BMPR1B: variants seen among roughly 807,000 people sequenced by gnomAD.
The protein encoded by BMPR1B is bone morphogenetic protein receptor type-1B.
Under a neutral mutation model 59.1 loss-of-function variants are expected in BMPR1B, and 12 were observed. That is an observed-to-expected ratio of 0.20 (90% confidence interval 0.13 to 0.33). The LOEUF (loss-of-function observed/expected upper bound fraction) is 0.33, where lower values mean the gene tolerates loss of function less well. Among genes scored for constraint, BMPR1B ranks in the 10% least tolerant of loss-of-function variants. The pLI is 1.00. For missense variants in BMPR1B, 550 were observed against 610.9 expected (o/e 0.90, Z 1.05); for synonymous variants, 237 against 207.3 (o/e 1.14, Z -1.23).
chr4:94,976,498 A>C (rs1256532371), intron 2 of BMPR1B, among the ~76,000 whole-genome samples: 1 of 152,174 alleles, frequency 6.6e-6, no homozygotes, highest in Admixed American at 6.5e-5. Context: ...GCTCTCCTAC[A>C]TGCAAAATAC....
At chr4:94,777,088 A>G (rs922063588) in intron 1 of BMPR1B, among the ~76,000 whole-genome samples, 1 of 152,168 alleles carries the variant, frequency 6.6e-6, no homozygotes, top group Non-Finnish European at 1.5e-5. Context: ...TTATCATAAC[A>G]GTACAGTGAA....
chr4:95,038,364 C>T (rs1046527016), intron 3 of BMPR1B, among the ~76,000 whole-genome samples: 3 of 152,170 alleles, frequency 2.0e-5, no homozygotes, highest in African/African-American at 7.2e-5. Context: ...TGGCAACTCT[C>T]TTATATTTTC....
intron 1 of BMPR1B, among the ~76,000 whole-genome samples, chr4:94,767,195 C>T (rs779157938): frequency 6.6e-6 from 1 of 152,098 alleles, no homozygotes. Context: ...AAAAATTATC[C>T]AGGGAAACCT....
intron 2 of BMPR1B, among the ~76,000 whole-genome samples, chr4:94,969,325 A>G (rs1035233703): frequency 2.0e-5 from 3 of 152,044 alleles, no homozygotes; most frequent in Admixed American, 1.3e-4. Flanking sequence ...GTGAGCCACC[A>G]TGCCCGTCCA....
chr4:95,108,514 A>C (rs560305712), intron 4 of BMPR1B, among the ~76,000 whole-genome samples: 1 of 152,190 alleles, frequency 6.6e-6, no homozygotes, highest in East Asian at 1.9e-4. Flanking sequence ...GAAATCTCAC[A>C]TGCTAATTTA....
Position 94,915,617 on chromosome 4 carries a change from T to C in BMPR1B, c.-113+39717T>C, listed in dbSNP as rs1265045375. The stretch of plus-strand genomic sequence containing the variant: ...ATCGACACAATTAACATAATGAAGA[T>C]ATTACTATAAAGGAATGATATACAT... On this transcript the variant is annotated intron_variant, in intron 2 of 12. Transcript: ENST00000515059. Among the ~76,000 whole-genome samples, 3 of 152,208 alleles carry C rather than the reference T, an allele frequency of 2.0e-5. No homozygotes were observed. The East Asian group carries it at 5.8e-4, about 29-fold the overall frequency.
intron 3 of BMPR1B, among the ~76,000 whole-genome samples, chr4:95,078,219 A>C (rs1419011483): frequency 1.3e-5 from 2 of 152,234 alleles, no homozygotes; most frequent in Non-Finnish European, 2.9e-5. Context: ...AGGTATTACC[A>C]GTGATAAATA....
intron 1 of BMPR1B, among the ~76,000 whole-genome samples, chr4:94,828,428 A>AT (rs1019486987): frequency 5.9e-5 from 9 of 152,240 alleles, no homozygotes; most frequent in Admixed American, 3.3e-4. Context: ...TCCAATGTAG[A>AT]TTTTTCCACA....
chr4:94,842,549 A>G (rs1232730463), intron 1 of BMPR1B, among the ~76,000 whole-genome samples: 1 of 152,134 alleles, frequency 6.6e-6, no homozygotes, highest in East Asian at 1.9e-4. Context: ...TAGTAAAAAC[A>G]TCTGAGGATA....
At chr4:95,121,841 A>G (rs1732554120) in intron 6 of BMPR1B, among the ~76,000 whole-genome samples, 1 of 152,204 alleles carries the variant, frequency 6.6e-6, no homozygotes, top group Non-Finnish European at 1.5e-5. Context: ...TAAAATATAT[A>G]TCTTATGAAC....
intron 1 of BMPR1B, among the ~76,000 whole-genome samples, chr4:94,789,656 C>T (rs1379672995): frequency 2.6e-5 from 4 of 152,066 alleles, no homozygotes; most frequent in Non-Finnish European, 5.9e-5. Flanking sequence ...AAGAAATGCC[C>T]ATTAAACTGA....
At chr4:95,060,539 C>T (rs1288485927) in intron 3 of BMPR1B, among the ~76,000 whole-genome samples, 1 of 152,172 alleles carries the variant, frequency 6.6e-6, no homozygotes, top group East Asian at 1.9e-4. Context: ...TGAAAGATTT[C>T]TGCAAGAGTG....
chr4:94,995,301 A>G (rs1311293068), intron 2 of BMPR1B, among the ~76,000 whole-genome samples: 1 of 152,162 alleles, frequency 6.6e-6, no homozygotes, highest in Non-Finnish European at 1.5e-5. Flanking sequence ...ATATTTTAGC[A>G]TCTTTCACTA....
At chr4:94,913,155 A>G (rs1375963216) in intron 2 of BMPR1B, among the ~76,000 whole-genome samples, 1 of 152,176 alleles carries the variant, frequency 6.6e-6, no homozygotes, top group Non-Finnish European at 1.5e-5. Context: ...TGAAGAGTCT[A>G]TTATGAAATA....
At chr4:94,990,430 G>T (rs1721661515) in intron 2 of BMPR1B, among the ~76,000 whole-genome samples, 1 of 152,130 alleles carries the variant, frequency 6.6e-6, no homozygotes, top group South Asian at 2.1e-4. Context: ...TGGCCCAAAA[G>T]TGGAAACCAA....
At chr4:95,101,665 T>C (rs1730828951) in intron 3 of BMPR1B, among the ~76,000 whole-genome samples, 1 of 152,200 alleles carries the variant, frequency 6.6e-6, no homozygotes, top group South Asian at 2.1e-4. Flanking sequence ...TCTCTAATTA[T>C]TAACTCTAAT....
chr4:94,967,912 C>T (rs1208618190), intron 2 of BMPR1B, among the ~76,000 whole-genome samples: 1 of 152,014 alleles, frequency 6.6e-6, no homozygotes, highest in African/African-American at 2.4e-5. Context: ...AAATAATATC[C>T]AGAAAGTTAT....
At chr4:95,087,056 G>A (rs1272411387) in intron 3 of BMPR1B, among the ~76,000 whole-genome samples, 1 of 138,084 alleles carries the variant, frequency 7.2e-6, no homozygotes, top group Non-Finnish European at 1.5e-5. Flanking sequence ...CCAGGCTGGA[G>A]TGCAGTGGCA....
At chr4:95,060,621 A>C (rs1297492497) in intron 3 of BMPR1B, among the ~76,000 whole-genome samples, 1 of 152,184 alleles carries the variant, frequency 6.6e-6, no homozygotes, top group Non-Finnish European at 1.5e-5. Context: ...CTGTCTCCAA[A>C]TAGTCATGAG....
Sources: allele counts gnomAD v4.1 joint callset (sites outside exome capture counted in the v4.1 genomes callset), GRCh38; gene constraint gnomAD v4.1.1; transcripts MANE v1.5; gene names NCBI Gene and HGNC (gene_info 2026-07-23, HGNC 2026-07-21).